Variants in ERBB4 observed in about 807,000 individuals in gnomAD.
The protein encoded by ERBB4 is erb-b2 receptor tyrosine kinase 4.
Under a neutral mutation model 158.0 loss-of-function variants are expected in ERBB4, and 42 were observed. That is an observed-to-expected ratio of 0.27 (90% CI 0.21 to 0.34). ERBB4 has a LOEUF of 0.34. Ranked by LOEUF, ERBB4 falls within the 10% of genes least tolerant of loss-of-function variation. The pLI is 1.00. For missense variants in ERBB4, 1,333 were observed against 1,624.1 expected (o/e 0.82, Z 3.08); for synonymous variants, 583 against 558.7 (o/e 1.04, Z -0.61).
At chr2:211,623,890 TTAAC>T (rs1256231991) in intron 18 of ERBB4, 28 bp downstream of exon 18, 1 of 1,611,734 alleles carries the variant, frequency 6.2e-7, no homozygotes, top group East Asian at 2.2e-5. Flanking sequence ...AAAACAAAAC[TTAAC>T]TAACGATATG....
At chr2:212,106,112 A>C (rs1299149224) in intron 2 of ERBB4, among the ~76,000 whole-genome samples, 2 of 152,196 alleles carry the variant, frequency 1.3e-5, no homozygotes, top group Non-Finnish European at 2.9e-5. Flanking sequence ...ACTGCTGAAA[A>C]GATACCTTAA....
intron 1 of ERBB4, among the ~76,000 whole-genome samples, chr2:212,408,426 T>C (rs2091409678): frequency 6.6e-6 from 1 of 152,162 alleles, no homozygotes; most frequent in Non-Finnish European, 1.5e-5. Context: ...ACATTTGTAA[T>C]ACAATGGGTT....
intron 25 of ERBB4, among the ~76,000 whole-genome samples, chr2:211,390,987 C>CA (rs2062787980): frequency 1.3e-5 from 2 of 152,120 alleles, no homozygotes; most frequent in South Asian, 4.1e-4. Context: ...CGTGGAAGGG[C>CA]AATGCAGCTC....
chr2:212,417,438 C>T (rs531874518), intron 1 of ERBB4, among the ~76,000 whole-genome samples: 4 of 151,918 alleles, frequency 2.6e-5, no homozygotes, highest in East Asian at 1.9e-4. Context: ...TTTTTTTGAG[C>T]GCTGACATTA....
chr2:211,750,414 T>C (rs1559484676), intron 5 of ERBB4, among the ~76,000 whole-genome samples: 1 of 152,200 alleles, frequency 6.6e-6, no homozygotes, highest in Non-Finnish European at 1.5e-5. Context: ...GCTGTGCTGT[T>C]GAGATCATTA....
intron 1 of ERBB4, among the ~76,000 whole-genome samples, chr2:212,346,626 G>A (rs1284509600): frequency 6.6e-6 from 1 of 151,682 alleles, no homozygotes; most frequent in Non-Finnish European, 1.5e-5. Context: ...ACCATCATGC[G>A]AAAAAATATT....
chr2:212,491,279 CAAT>C (rs1003015012), intron 1 of ERBB4, among the ~76,000 whole-genome samples: 1 of 151,540 alleles, frequency 6.6e-6, no homozygotes, highest in African/African-American at 2.4e-5. Flanking sequence ...TTTAAAAAAG[CAAT>C]AATAAGAATT....
chr2:212,374,842 G>C (rs2090267695), intron 1 of ERBB4, among the ~76,000 whole-genome samples: 1 of 151,896 alleles, frequency 6.6e-6, no homozygotes, highest in African/African-American at 2.4e-5. Context: ...ATAGCAGATA[G>C]TGCCCAAATT....
chr2:211,723,798 A>G (rs2074179037), intron 6 of ERBB4, among the ~76,000 whole-genome samples: 1 of 152,198 alleles, frequency 6.6e-6, no homozygotes, highest in African/African-American at 2.4e-5. Context: ...AGAGGAATAA[A>G]ACAAATTTAG....
At chr2:211,470,144 G>A (rs1438432367) in intron 20 of ERBB4, among the ~76,000 whole-genome samples, 5 of 152,060 alleles carry the variant, frequency 3.3e-5, no homozygotes, top group Non-Finnish European at 7.4e-5. Context: ...GTTGGCTGCA[G>A]CAATCAAAAA....
At chr2:211,833,960 CT>C (rs1401220835) in intron 3 of ERBB4, among the ~76,000 whole-genome samples, 1 of 152,024 alleles carries the variant, frequency 6.6e-6, no homozygotes, top group East Asian at 1.9e-4. Flanking sequence ...GATGCCACCC[CT>C]AGGTGCATAT....
At chr2:211,435,449 A>G (rs1293140094) in intron 20 of ERBB4, among the ~76,000 whole-genome samples, 1 of 152,194 alleles carries the variant, frequency 6.6e-6, no homozygotes, top group Non-Finnish European at 1.5e-5. Flanking sequence ...AGGCGAGGTC[A>G]AGTTACTTGC....
chr2:212,455,440 C>T (rs1688240661), intron 1 of ERBB4, among the ~76,000 whole-genome samples: 1 of 152,100 alleles, frequency 6.6e-6, no homozygotes, highest in African/African-American at 2.4e-5. Context: ...AAAATATTCT[C>T]TCTGCATTGT....
intron 2 of ERBB4, among the ~76,000 whole-genome samples, chr2:212,119,724 A>G (rs1222042070): frequency 6.6e-6 from 1 of 152,138 alleles, no homozygotes; most frequent in Non-Finnish European, 1.5e-5. Context: ...CCAAAAAGAA[A>G]TGCAAGAACT....
chr2:211,839,782 G>C (rs905793145), intron 3 of ERBB4, among the ~76,000 whole-genome samples: 1 of 151,946 alleles, frequency 6.6e-6, no homozygotes, highest in African/African-American at 2.4e-5. Flanking sequence ...TTCATATTAC[G>C]TGTAGTTCTC....
intron 2 of ERBB4, among the ~76,000 whole-genome samples, chr2:212,063,660 G>T (rs916638407): frequency 3.3e-5 from 5 of 151,986 alleles, no homozygotes; most frequent in African/African-American, 1.2e-4. Flanking sequence ...AAAATTTAGG[G>T]ATGGCAAAAA....
intron 3 of ERBB4, among the ~76,000 whole-genome samples, chr2:211,865,820 T>C (rs1356658044): frequency 6.6e-6 from 1 of 152,166 alleles, no homozygotes; most frequent in African/African-American, 2.4e-5. Flanking sequence ...CAAAATAGAT[T>C]ATGAAATAGA....
At chr2:212,189,548 T>C (rs2082127069) in intron 1 of ERBB4, among the ~76,000 whole-genome samples, 1 of 152,176 alleles carries the variant, frequency 6.6e-6, no homozygotes, top group African/African-American at 2.4e-5. Flanking sequence ...AGGCTCTTTC[T>C]TGAGAGCGAC....
chr2:212,256,023 G>GC (rs1449739616), intron 1 of ERBB4, among the ~76,000 whole-genome samples: 3 of 150,494 alleles, frequency 2.0e-5, no homozygotes, highest in Admixed American at 6.6e-5. Flanking sequence ...CAAATGGGGG[G>GC]GGGTCTCACT....
Sources: allele counts gnomAD v4.1 joint callset (sites outside exome capture counted in the v4.1 genomes callset), GRCh38; gene constraint gnomAD v4.1.1; transcripts MANE v1.5; gene names NCBI Gene and HGNC (gene_info 2026-07-23, HGNC 2026-07-21).